Variants in MCHR2 observed in about 807,000 individuals in gnomAD.
The protein encoded by MCHR2 is melanin-concentrating hormone receptor 2.
MCHR2 carries 15 observed loss-of-function variants against 24.8 expected under a neutral mutation model. That is an observed-to-expected ratio of 0.60 (90% CI 0.40 to 0.93). MCHR2 has a LOEUF of 0.93. MCHR2 is among the 40% of genes least tolerant of loss of function. The pLI is 0.00. For missense variants in MCHR2, 386 were observed against 408.7 expected, an observed-to-expected ratio of 0.94 and a Z score of 0.48; for synonymous variants, 151 against 147.6, an observed-to-expected ratio of 1.02 and a Z score of -0.17.
chr6:99,985,884 C>T (rs927984647), intron 1 of MCHR2, among the ~76,000 whole-genome samples: 2 of 152,106 alleles, frequency 1.3e-5, no homozygotes, highest in Non-Finnish European at 2.9e-5. Flanking sequence ...AGTAAACAGA[C>T]AACCTACAGA....
intron 5 of MCHR2, among the ~76,000 whole-genome samples, chr6:99,931,715 A>T (rs1383989171): frequency 6.6e-6 from 1 of 152,074 alleles, no homozygotes; most frequent in East Asian, 1.9e-4. Context: ...GGTGGGAGTG[A>T]CCCGATTTTC....
At position 99,988,032 on chromosome 6, in the gene MCHR2, A is replaced by G. The variant is rs144226730; in HGVS notation, c.-28+5904T>C. Among the ~76,000 whole-genome samples, 891 of 152,312 alleles carry G rather than the reference A, an allele frequency of 5.8e-3. 6 individuals are homozygous for G. Among genetic ancestry groups the G allele is most frequent in the Middle Eastern group, 0.031 (9 of 294 alleles). On this transcript the variant is annotated intron_variant, in intron 1 of 5. Coordinates refer to ENST00000281806, the MANE Select transcript of MCHR2 (RefSeq NM_001040179.2). ...AGGCAGCCATAGACTTCAGCAGAATATTTAACTCATTTGATGTCCCAAGGG... is the reference window on the plus strand; with the variant it reads ...AGGCAGCCATAGACTTCAGCAGAATGTTTAACTCATTTGATGTCCCAAGGG...
intron 1 of MCHR2, among the ~76,000 whole-genome samples, chr6:99,969,059 A>G (rs1775344533): frequency 6.6e-6 from 1 of 152,188 alleles, no homozygotes; most frequent in African/African-American, 2.4e-5. Context: ...ATCTAAGACA[A>G]TAAATGTAAT....
chr6:99,960,187 A>C (rs1775153988), intron 1 of MCHR2, among the ~76,000 whole-genome samples: 1 of 152,116 alleles, frequency 6.6e-6, no homozygotes, highest in African/African-American at 2.4e-5. Context: ...TGATATAGTC[A>C]ATGTGCTGAA....
chr6:99,952,160 G>C (rs770971248), intron 2 of MCHR2, among the ~76,000 whole-genome samples: 2 of 152,056 alleles, frequency 1.3e-5, no homozygotes, highest in Non-Finnish European at 2.9e-5. Flanking sequence ...GAATGCAAGA[G>C]GAAAATATTA....
rs148438384 is a variant in MCHR2 at position 99,989,164 on chromosome 6, A to T, written c.-28+4772T>A. 5.0e-4 allele frequency among the ~76,000 whole-genome samples: 76 copies of T among 152,332 alleles called. No homozygotes were observed. In the East Asian group the frequency reaches 0.013, roughly 25 times the overall value. On this transcript the variant is annotated intron_variant, in intron 1 of 5. Coordinates refer to ENST00000281806, the MANE Select transcript of MCHR2 (RefSeq NM_001040179.2). ...TTTAAAATTACTACCTACCAGAAGGATCATTTGAGCCCAGGAGTTTGAGGT... is the reference window on the plus strand; with the variant it reads ...TTTAAAATTACTACCTACCAGAAGGTTCATTTGAGCCCAGGAGTTTGAGGT...
At chr6:99,956,349 C>G (rs543308880) in intron 1 of MCHR2, among the ~76,000 whole-genome samples, 175 bp from the exon 2 acceptor site, 15 of 152,110 alleles carry the variant, frequency 9.9e-5, no homozygotes, top group African/African-American at 3.6e-4. Context: ...CAGATTACCA[C>G]AAGAGATAGG....
chr6:99,981,112 G>A (rs1775661856), intron 1 of MCHR2, among the ~76,000 whole-genome samples: 1 of 152,030 alleles, frequency 6.6e-6, no homozygotes, highest in Non-Finnish European at 1.5e-5. Context: ...AGCATCTAGA[G>A]GTTTTTCTAG....
intron 4 of MCHR2, among the ~76,000 whole-genome samples, chr6:99,937,742 T>G (rs1328263471): frequency 8.2e-6 from 1 of 122,684 alleles, no homozygotes; most frequent in Non-Finnish European, 1.8e-5. Flanking sequence ...GAAGTATTCC[T>G]TCCTCTTCAT....
chr6:99,972,559 C>T (rs886153796), intron 1 of MCHR2, among the ~76,000 whole-genome samples: 1 of 152,124 alleles, frequency 6.6e-6, no homozygotes, highest in African/African-American at 2.4e-5. Flanking sequence ...GTCTCTATTT[C>T]CTTCAGTTCT....
In MCHR2 at chr6:99,979,270, A is replaced by T. The variant is rs905172547; in HGVS notation, c.-28+14666T>A. On this transcript the variant is annotated intron_variant, in intron 1 of 5. Coordinates refer to ENST00000281806, the MANE Select transcript of MCHR2 (RefSeq NM_001040179.2). The stretch of plus-strand genomic sequence containing the variant: ...GCAGCACTGTACACGCAAGGAAAGA[A>T]TCTGTCCCAGCCTGAAAGAATCCCT... Among the ~76,000 whole-genome samples the T allele has an allele frequency of 2.0e-5, 3 of 152,302 alleles. No homozygotes were observed. The East Asian group carries it at 5.8e-4, about 29-fold the overall frequency.
At chr6:99,971,260 T>G (rs573758231) in intron 1 of MCHR2, among the ~76,000 whole-genome samples, 1 of 151,886 alleles carries the variant, frequency 6.6e-6, no homozygotes, top group East Asian at 1.9e-4. Context: ...TAGTTCTCCT[T>G]GAAGAGGTCC....
chr6:99,958,926 C>G (rs905595706), intron 1 of MCHR2, among the ~76,000 whole-genome samples: 2 of 152,180 alleles, frequency 1.3e-5, no homozygotes, highest in Non-Finnish European at 2.9e-5. Flanking sequence ...ATGGCATATT[C>G]TGGATACCTG....
intron 1 of MCHR2, among the ~76,000 whole-genome samples, chr6:99,973,292 G>T (rs931944438): frequency 5.9e-5 from 9 of 151,772 alleles, no homozygotes; most frequent in African/African-American, 1.9e-4. Flanking sequence ...TCTTCTTGTT[G>T]AATTGATCCC....
chr6:99,927,611 G>A (rs1304429093), intron 5 of MCHR2, among the ~76,000 whole-genome samples: 3 of 151,972 alleles, frequency 2.0e-5, no homozygotes, highest in African/African-American at 7.3e-5. Context: ...GTGAATGGGA[G>A]TTCACTCATG....
At chr6:99,980,337 G>A (rs946800998) in intron 1 of MCHR2, among the ~76,000 whole-genome samples, 10 of 152,140 alleles carry the variant, frequency 6.6e-5, no homozygotes, top group African/African-American at 2.4e-4. Context: ...TCTTACTTGG[G>A]ACCATCTGGT....
chr6:99,942,756 T>C lies in MCHR2; in HGVS notation c.587+193A>G, dbSNP rs186413849. 5.9e-5 allele frequency among the ~76,000 whole-genome samples: 9 copies of C among 152,236 alleles called. No homozygotes were observed. The East Asian group carries it at 1.2e-3, about 20-fold the overall frequency. On this transcript the variant is annotated intron_variant, in intron 4 of 5. Transcript: ENST00000281806. ...AGGTTACATGATTGAATTCAAAATC[T>C]TTTTCTAAAGGTTACCCTCTCCTTA...
At chr6:99,963,294 A>G (rs961169843) in intron 1 of MCHR2, among the ~76,000 whole-genome samples, 5 of 152,226 alleles carry the variant, frequency 3.3e-5, no homozygotes, top group African/African-American at 1.2e-4. Flanking sequence ...TGTGTAAAAA[A>G]AGTTTACACA....
At chr6:99,938,316 T>C (rs533886154) in intron 4 of MCHR2, among the ~76,000 whole-genome samples, 39 of 152,110 alleles carry the variant, frequency 2.6e-4, no homozygotes, top group Non-Finnish European at 5.4e-4. Context: ...TTCTACTTTT[T>C]TGATATAGGC....
Sources: gnomAD v4.1 joint callset for allele counts (sites outside exome capture counted in the v4.1 genomes callset) on GRCh38, gnomAD v4.1.1 for gene constraint, MANE v1.5 for transcripts, NCBI Gene and HGNC (gene_info 2026-07-23, HGNC 2026-07-21) for gene names.